The following VPS8 variants were observed in gnomAD, a reference collection of about 807,000 sequenced individuals.
VPS8 encodes the protein VPS8 subunit of CORVET complex.
Under a neutral mutation model 216.4 loss-of-function variants are expected in VPS8, and 129 were observed. That is an observed-to-expected ratio of 0.60 (90% CI 0.52 to 0.69). The LOEUF (loss-of-function observed/expected upper bound fraction) is 0.69. Ranked by LOEUF, VPS8 falls within the 30% of genes least tolerant of loss-of-function variation. The probability of loss-of-function intolerance (pLI) is 0.00; values close to 1 mark genes in which losing one functional copy is unlikely to be tolerated. For synonymous variants in VPS8, 571 were observed against 565.4 expected, an observed-to-expected ratio of 1.01 and a Z score of -0.14; for missense variants, 1,531 against 1,683.5, an observed-to-expected ratio of 0.91 and a Z score of 1.59.
At chr3:185,029,760 C>T (rs968346854) in intron 46 of VPS8, among the ~76,000 whole-genome samples, 2 of 152,094 alleles carry the variant, frequency 1.3e-5, no homozygotes, top group African/African-American at 4.8e-5. Context: ...GAAGGGGTTT[C>T]ACCATGTTGG....
chr3:185,043,143 C>T (rs561703667), intron 46 of VPS8, among the ~76,000 whole-genome samples: 11 of 152,236 alleles, frequency 7.2e-5, no homozygotes, highest in African/African-American at 2.4e-4. Flanking sequence ...CCCATGAAAC[C>T]GTATACATTC....
At chr3:185,009,985 CAAAAAAAAAA>C (rs11367805) in intron 45 of VPS8, among the ~76,000 whole-genome samples, 6 of 91,390 alleles carry the variant, frequency 6.6e-5, no homozygotes, top group African/African-American at 1.9e-4. Context: ...ACTTCAGGTC[CAAAAAAAAAA>C]AAAAAAAAAA....
chr3:185,041,771 G>C (rs1013184288), intron 46 of VPS8, among the ~76,000 whole-genome samples: 1 of 152,224 alleles, frequency 6.6e-6, no homozygotes, highest in African/African-American at 2.4e-5. Flanking sequence ...GCTCTAATGT[G>C]TGTGGTGTTT....
At chr3:185,017,089 G>A (rs1475074366) in intron 45 of VPS8, among the ~76,000 whole-genome samples, 2 of 151,942 alleles carry the variant, frequency 1.3e-5, no homozygotes, top group Non-Finnish European at 2.9e-5. Flanking sequence ...TCTGGAATTA[G>A]AACTTGTGCT....
At chr3:184,901,784 C>T (rs527557873) in intron 25 of VPS8, among the ~76,000 whole-genome samples, 2 of 152,164 alleles carry the variant, frequency 1.3e-5, no homozygotes, top group East Asian at 1.9e-4. Flanking sequence ...CAAATGTGTT[C>T]ATTTTCTTGG....
chr3:184,931,531 T>C (rs1157423156), intron 34 of VPS8, among the ~76,000 whole-genome samples: 1 of 152,192 alleles, frequency 6.6e-6, no homozygotes, highest in Non-Finnish European at 1.5e-5. Context: ...GGATACTTTG[T>C]TTTAGTTCCC....
At chr3:184,954,154 C>G (rs188388675) in intron 36 of VPS8, among the ~76,000 whole-genome samples, 7 of 152,270 alleles carry the variant, frequency 4.6e-5, no homozygotes, top group Admixed American at 4.6e-4. Context: ...TATAGGGGAA[C>G]AGCCACATAG....
chr3:184,888,209 G>T (rs553819475), intron 22 of VPS8, among the ~76,000 whole-genome samples: 46 of 152,190 alleles, frequency 3.0e-4, no homozygotes, highest in South Asian at 2.3e-3. Flanking sequence ...GGATGGTCTG[G>T]ATCTCCTGAC....
chr3:184,881,834 A>G (rs1463524038), intron 21 of VPS8, among the ~76,000 whole-genome samples: 1 of 151,870 alleles, frequency 6.6e-6, no homozygotes, highest in Non-Finnish European at 1.5e-5. Context: ...ATTTACGCCT[A>G]ATATTTCTTT....
chr3:184,839,899 C>T (rs1721804364), intron 7 of VPS8, 147 bp downstream of exon 7: 1 of 1,407,944 alleles, frequency 7.1e-7, no homozygotes. Context: ...ATTTTTATAG[C>T]TAAAAATTAT....
Position 184,983,059 on chromosome 3 carries a change from A to G in VPS8, c.3550A>G (p.Ile1184Val). ...AGTTTTAAATAGCATGGCAGCATTT[A>G]TTGCCCTTCCATCAATCTTGCAAAG... ...MQVLNSMAAF[I>V]ALPSILQRIL... Residue 1184 changes from isoleucine (I) to valine (V), a missense_variant, in exon 42 of 48, where the codon ATT becomes GTT. Coordinates refer to ENST00000625842, the MANE Select transcript of VPS8 (RefSeq NM_001009921.3). 1.2e-6 allele frequency: 2 copies of G among 1,610,378 alleles called. No homozygotes were observed. The highest frequency in any genetic ancestry group is 1.7e-6 in the Non-Finnish European group (2 of 1,177,958).
At chr3:184,965,043 A>G (rs973990859) in intron 38 of VPS8, among the ~76,000 whole-genome samples, 18 of 152,202 alleles carry the variant, frequency 1.2e-4, no homozygotes, top group African/African-American at 4.1e-4. Flanking sequence ...GCCACTTTAC[A>G]TCGCTACCAG....
intron 36 of VPS8, among the ~76,000 whole-genome samples, chr3:184,956,656 A>C (rs957765564): frequency 6.6e-6 from 1 of 152,228 alleles, no homozygotes; most frequent in Non-Finnish European, 1.5e-5. Flanking sequence ...ACTTTCGGCC[A>C]TCAGTAGTTG....
intron 8 of VPS8, among the ~76,000 whole-genome samples, chr3:184,845,407 A>G (rs1412684743): frequency 2.0e-5 from 3 of 152,200 alleles, no homozygotes; most frequent in African/African-American, 7.2e-5. Context: ...CCTTTTCTGA[A>G]TTTAGTCTAA....
At chr3:184,842,163 G>C (rs1025831804) in intron 7 of VPS8, among the ~76,000 whole-genome samples, 1 of 113,784 alleles carries the variant, frequency 8.8e-6, no homozygotes, top group East Asian at 4.1e-4. Context: ...CTCCAGCCTG[G>C]GTGACAGAGC....
intron 30 of VPS8, among the ~76,000 whole-genome samples, chr3:184,925,772 ATT>A (rs769693262): frequency 6.6e-5 from 8 of 121,488 alleles, no homozygotes; most frequent in Admixed American, 8.2e-5. Context: ...TTCTCTCTCT[ATT>A]TTTTTTTTTT....
At chr3:184,883,255 C>G (rs757236568) in intron 21 of VPS8, among the ~76,000 whole-genome samples, 23 of 152,192 alleles carry the variant, frequency 1.5e-4, no homozygotes, top group Non-Finnish European at 2.6e-4. Context: ...TCATCTCACT[C>G]TATTGTCCTT....
chr3:185,046,917 G>A (rs1235616443), intron 46 of VPS8, among the ~76,000 whole-genome samples: 1 of 152,124 alleles, frequency 6.6e-6, no homozygotes, highest in Non-Finnish European at 1.5e-5. Flanking sequence ...TCTGCATGCC[G>A]GCCCTCCCAT....
chr3:185,047,272 G>A (rs146035220), intron 46 of VPS8, among the ~76,000 whole-genome samples: 25 of 152,284 alleles, frequency 1.6e-4, no homozygotes, highest in Non-Finnish European at 2.4e-4. Flanking sequence ...GCAGAGTCCC[G>A]TGCATCTGCT....
Sources: gnomAD v4.1 joint callset for allele counts (sites outside exome capture counted in the v4.1 genomes callset) on GRCh38, gnomAD v4.1.1 for gene constraint, MANE v1.5 for transcripts, NCBI Gene and HGNC (gene_info 2026-07-23, HGNC 2026-07-21) for gene names.